The following INPP4B variants were observed in gnomAD, a reference collection of about 807,000 sequenced individuals.
The protein encoded by INPP4B is inositol polyphosphate-4-phosphatase type II B.
Under a neutral mutation model 122.5 loss-of-function variants are expected in INPP4B, and 55 were observed. The observed-to-expected ratio is 0.45, with a 90% CI of 0.36 to 0.56. INPP4B has a LOEUF of 0.56. Among genes scored for constraint, INPP4B ranks in the 20% least tolerant of loss-of-function variants. The pLI is 0.00. For missense variants in INPP4B, 1,000 were observed against 1,097.7 expected, an observed-to-expected ratio of 0.91 and a Z score of 1.26; for synonymous variants, 403 against 388.7, an observed-to-expected ratio of 1.04 and a Z score of -0.43.
chr4:142,261,066 A>G (rs902447958), intron 10 of INPP4B, among the ~76,000 whole-genome samples: 2 of 152,234 alleles, frequency 1.3e-5, no homozygotes, highest in African/African-American at 4.8e-5. Flanking sequence ...AAGTATGAGG[A>G]TCATTTATAA....
intron 9 of INPP4B, among the ~76,000 whole-genome samples, chr4:142,277,092 A>AT (rs996147619): frequency 1.3e-5 from 2 of 150,488 alleles, no homozygotes; most frequent in African/African-American, 4.9e-5. Flanking sequence ...GATGCTGAGC[A>AT]TTTTTTTATA....
chr4:142,648,784 TG>T (rs1752338610), intron 2 of INPP4B, among the ~76,000 whole-genome samples: 1 of 152,206 alleles, frequency 6.6e-6, no homozygotes, highest in Non-Finnish European at 1.5e-5. Context: ...GCTTCTTTTT[TG>T]TTCATAGTTG....
intron 12 of INPP4B, among the ~76,000 whole-genome samples, chr4:142,223,145 G>A (rs1253509506): frequency 6.6e-6 from 1 of 151,858 alleles, no homozygotes; most frequent in African/African-American, 2.4e-5. Flanking sequence ...AAGTGGCTTT[G>A]GGGCAGCCAG....
intron 2 of INPP4B, among the ~76,000 whole-genome samples, chr4:142,495,732 C>T (rs17016229): frequency 0.021 from 3,254 of 152,220 alleles, 118 homozygotes; most frequent in African/African-American, 0.073. Context: ...TTTACTGTGA[C>T]TTTCAGAGGC....
intron 2 of INPP4B, among the ~76,000 whole-genome samples, chr4:142,632,576 TAATA>T (rs1748207030): frequency 6.6e-6 from 1 of 151,954 alleles, no homozygotes; most frequent in Non-Finnish European, 1.5e-5. Flanking sequence ...GCAATAAAAA[TAATA>T]AATATGCGAA....
At position 142,361,010 on chromosome 4, in the gene INPP4B, C is replaced by G. The variant is rs112277685; in HGVS notation, c.372+41928G>C. Among the ~76,000 whole-genome samples, 884 of 151,916 alleles carry G rather than the reference C, an allele frequency of 5.8e-3. 7 individuals are homozygous for G. The highest frequency in any genetic ancestry group is 0.02 in the African/African-American group (836 of 41,460). ...TTGAGTGTCATCCTTGATGCTTTCTCTTTACTTCAGCTACTTTATCCTATT... is the reference window on the plus strand; with the variant it reads ...TTGAGTGTCATCCTTGATGCTTTCTGTTTACTTCAGCTACTTTATCCTATT... On this transcript the variant is annotated intron_variant, in intron 7 of 25. Coordinates refer to ENST00000262992, the MANE Select transcript of INPP4B (RefSeq NM_001101669.3).
intron 1 of INPP4B, among the ~76,000 whole-genome samples, chr4:142,794,347 T>C (rs114198623): frequency 0.011 from 1,723 of 151,892 alleles, 27 homozygotes; most frequent in African/African-American, 0.04. Context: ...ATCAAAGACA[T>C]ATGGAAGCTT....
At chr4:142,662,185 A>C (rs943776550) in intron 2 of INPP4B, among the ~76,000 whole-genome samples, 2 of 151,994 alleles carry the variant, frequency 1.3e-5, no homozygotes, top group Admixed American at 6.5e-5. Flanking sequence ...TAGTGAGCCA[A>C]GACAGCGCCA....
At chr4:142,277,576 C>T (rs2130684) in intron 9 of INPP4B, among the ~76,000 whole-genome samples, 80,363 of 151,572 alleles carry the variant, frequency 0.53, 25,488 homozygotes, top group Non-Finnish European at 0.69. Flanking sequence ...GATACTTGCA[C>T]GTGCATGTTT....
At chr4:142,257,794 T>C (rs1014187459) in intron 11 of INPP4B, among the ~76,000 whole-genome samples, 2 of 152,032 alleles carry the variant, frequency 1.3e-5, no homozygotes, top group Non-Finnish European at 2.9e-5. Context: ...AATTTATAGA[T>C]TCAATGCCAT....
At chr4:142,256,912 T>C (rs113249875) in intron 11 of INPP4B, among the ~76,000 whole-genome samples, 6,604 of 152,178 alleles carry the variant, frequency 0.043, 471 homozygotes, top group African/African-American at 0.15. Context: ...AAAAAGAGAA[T>C]TTTAGACCAA....
intron 7 of INPP4B, among the ~76,000 whole-genome samples, chr4:142,401,092 C>T (rs539277666): frequency 1.3e-5 from 2 of 152,206 alleles, no homozygotes; most frequent in East Asian, 1.9e-4. Flanking sequence ...CTTTGCAGAA[C>T]GTAAAATCCT....
chr4:142,342,984 A>G (rs1779158143), intron 7 of INPP4B, among the ~76,000 whole-genome samples: 1 of 152,162 alleles, frequency 6.6e-6, no homozygotes, highest in Non-Finnish European at 1.5e-5. Flanking sequence ...TATCATAAAG[A>G]AATTTGGATA....
At chr4:142,564,612 G>T (rs1248618501) in intron 2 of INPP4B, among the ~76,000 whole-genome samples, 1 of 152,046 alleles carries the variant, frequency 6.6e-6, no homozygotes, top group African/African-American at 2.4e-5. Flanking sequence ...AAAATGATCT[G>T]AATAGAACTT....
At chr4:142,075,683 G>A (rs1202124856) in intron 25 of INPP4B, among the ~76,000 whole-genome samples, 1 of 151,912 alleles carries the variant, frequency 6.6e-6, no homozygotes, top group Admixed American at 6.6e-5. Flanking sequence ...TAGAGAGCAA[G>A]GGTAACATTT....
intron 2 of INPP4B, among the ~76,000 whole-genome samples, chr4:142,647,788 T>C (rs1752106940): frequency 6.6e-6 from 1 of 152,234 alleles, no homozygotes; most frequent in Non-Finnish European, 1.5e-5. Context: ...ATATCTCCCA[T>C]GCTGATTAAT....
intron 2 of INPP4B, among the ~76,000 whole-genome samples, chr4:142,525,584 G>A (rs200751329): frequency 0.062 from 3,912 of 63,282 alleles, 134 homozygotes; most frequent in South Asian, 0.14. Flanking sequence ...AAATAACGCC[G>A]CATATCTACA....
At chr4:142,292,053 C>T (rs963539213) in intron 9 of INPP4B, among the ~76,000 whole-genome samples, 3 of 152,260 alleles carry the variant, frequency 2.0e-5, no homozygotes, top group African/African-American at 7.2e-5. Context: ...AAGATAACAT[C>T]ACTCAAATAC....
intron 2 of INPP4B, among the ~76,000 whole-genome samples, chr4:142,527,099 A>G (rs1827015531): frequency 6.6e-6 from 1 of 152,064 alleles, no homozygotes; most frequent in South Asian, 2.1e-4. Flanking sequence ...AATATGCCCA[A>G]TATGAAATTC....
Sources: allele counts gnomAD v4.1 joint callset (sites outside exome capture counted in the v4.1 genomes callset), GRCh38; gene constraint gnomAD v4.1.1; transcripts MANE v1.5; gene names NCBI Gene and HGNC (gene_info 2026-07-23, HGNC 2026-07-21).